ZNF735: variants seen among roughly 807,000 people sequenced by gnomAD.
The protein encoded by ZNF735 is putative zinc finger protein 735.
ZNF735 carries 11 observed loss-of-function variants against 13.4 expected under a neutral mutation model. The observed-to-expected ratio is 0.82, with a 90% CI of 0.52 to 1.36. ZNF735 has a LOEUF of 1.36. Among genes scored for constraint, ZNF735 ranks in the 40% most tolerant of loss-of-function variants. The pLI, the probability that ZNF735 is intolerant of heterozygous loss-of-function variation, is 0.00. For synonymous variants in ZNF735, 171 were observed against 162.6 expected (o/e 1.05, Z -0.39); for missense variants, 500 against 484.6 (o/e 1.03, Z -0.30).
rs772489501 is a variant in ZNF735 at position 64,213,234 on chromosome 7, A to G, written c.166+16A>G. 5 of 1,576,634 alleles carry G rather than the reference A, an allele frequency of 3.2e-6. No individual in the cohort carries two copies. Among genetic ancestry groups the G allele is most frequent in the Non-Finnish European group, 4.3e-6 (5 of 1,166,412 alleles). On this transcript the variant is annotated intron_variant, in intron 2 of 3. Transcript: ENST00000429565. Reference sequence around the variant, plus strand: ...TTCTCCCTGGGTGAGGTTAACCTCAATACATAATTCCTAATATATTGCCGT... The same window carrying G: ...TTCTCCCTGGGTGAGGTTAACCTCAGTACATAATTCCTAATATATTGCCGT...
chr7:64,211,795 G>A (rs1584213366), intron 1 of ZNF735, among the ~76,000 whole-genome samples: 1 of 151,428 alleles, frequency 6.6e-6, no homozygotes, highest in Non-Finnish European at 1.5e-5. Context: ...GACCTCAGGA[G>A]GCGGAGGTTG....
At chr7:64,219,148 A>C (rs1377379440) in intron 3 of ZNF735, among the ~76,000 whole-genome samples, 166 bp from the exon 4 acceptor site, 2 of 152,218 alleles carry the variant, frequency 1.3e-5, no homozygotes, top group Admixed American at 6.5e-5. Flanking sequence ...GTATTTTGAT[A>C]ACTATGATTT....
intron 1 of ZNF735, among the ~76,000 whole-genome samples, chr7:64,211,144 T>C (rs1285381286): frequency 1.3e-5 from 2 of 152,208 alleles, no homozygotes; most frequent in African/African-American, 4.8e-5. Context: ...ATATTTTTTT[T>C]CTATATGCTG....
At chr7:64,207,533 G>A (rs1787303610) in intron 1 of ZNF735, among the ~76,000 whole-genome samples, 1 of 152,134 alleles carries the variant, frequency 6.6e-6, no homozygotes, top group South Asian at 2.1e-4. Context: ...GATTGTACAG[G>A]GATTGGGAAA....
intron 2 of ZNF735, 80 bp from the exon 3 acceptor site, chr7:64,213,933 T>A: frequency 7.6e-7 from 1 of 1,317,804 alleles, no homozygotes; most frequent in Non-Finnish European, 1.0e-6. Flanking sequence ...CACTCCAGCC[T>A]GAGCGACAGA....
At chr7:64,219,103 C>A (rs1234596432) in intron 3 of ZNF735, among the ~76,000 whole-genome samples, 1 of 152,176 alleles carries the variant, frequency 6.6e-6, no homozygotes, top group Non-Finnish European at 1.5e-5. Flanking sequence ...TCACATGGTG[C>A]ACACACTTAC....
At position 64,219,231 on chromosome 7, in the gene ZNF735, G is replaced by A. The variant is rs1459239127; in HGVS notation, c.263-83G>A. 2.3e-5 allele frequency: 35 copies of A among 1,510,304 alleles called. No homozygotes were observed. The East Asian group carries it at 7.7e-4, about 33-fold the overall frequency. 93.6% of individuals were successfully genotyped at this position (1,510,304 alleles called of 1,614,324 possible). On this transcript the variant is annotated intron_variant, in intron 3 of 3. Transcript: ENST00000429565. ...ATATGCCATTTTGCTAATGTACCTT[G>A]AACAATTTTATATATTTGATTTGTA...
At chr7:64,209,433 G>A (rs1439919565) in intron 1 of ZNF735, among the ~76,000 whole-genome samples, 2 of 150,182 alleles carry the variant, frequency 1.3e-5, no homozygotes, top group South Asian at 2.1e-4. Context: ...TGCAACCTTC[G>A]CCTTCCATTT....
chr7:64,217,506 A>G (rs1306294221), intron 3 of ZNF735, among the ~76,000 whole-genome samples: 1 of 151,700 alleles, frequency 6.6e-6, no homozygotes, highest in African/African-American at 2.4e-5. Flanking sequence ...TTTTTTATTT[A>G]TTATTGAAAG....
chr7:64,207,342 G>T, intron 1 of ZNF735, 101 bp downstream of exon 1: 1 of 1,608,332 alleles, frequency 6.2e-7, no homozygotes, highest in Non-Finnish European at 8.5e-7. Context: ...GTCAGCTCCG[G>T]AGTCTGAGGA....
chr7:64,209,183 C>T (rs550710977), intron 1 of ZNF735, among the ~76,000 whole-genome samples: 79 of 149,776 alleles, frequency 5.3e-4, no homozygotes, highest in African/African-American at 1.7e-3. Context: ...TCACCAGCAG[C>T]GTATAAGCAT....
intron 3 of ZNF735, among the ~76,000 whole-genome samples, chr7:64,218,900 G>A (rs1363495810): frequency 6.6e-6 from 1 of 152,064 alleles, no homozygotes; most frequent in Non-Finnish European, 1.5e-5. Context: ...CTCCTTACTG[G>A]TCAGTAACCA....
chr7:64,211,148 T>C (rs1787355475), intron 1 of ZNF735, among the ~76,000 whole-genome samples: 1 of 152,228 alleles, frequency 6.6e-6, no homozygotes, highest in Non-Finnish European at 1.5e-5. Flanking sequence ...TTTTTTTCTA[T>C]ATGCTGTAGC....
At chr7:64,217,675 T>A (rs1381570743) in intron 3 of ZNF735, among the ~76,000 whole-genome samples, 1 of 152,122 alleles carries the variant, frequency 6.6e-6, no homozygotes, top group Non-Finnish European at 1.5e-5. Flanking sequence ...CTCATTTTAC[T>A]ATTATATAAT....
exon 3 of ZNF735, chr7:64,214,024 T>A: frequency 1.3e-6 from 2 of 1,598,410 alleles, no homozygotes; most frequent in Non-Finnish European, 1.7e-6. Context: ...TATGACTGTC[T>A]CTAAGCCAGA....
intron 1 of ZNF735, among the ~76,000 whole-genome samples, chr7:64,210,899 T>C (rs1230412960): frequency 6.6e-6 from 1 of 152,168 alleles, no homozygotes; most frequent in Non-Finnish European, 1.5e-5. Context: ...AGGTTTGATA[T>C]GTCCAGAGCA....
intron 1 of ZNF735, among the ~76,000 whole-genome samples, chr7:64,208,952 T>C (rs1476404174): frequency 1.3e-5 from 2 of 152,246 alleles, no homozygotes; most frequent in Non-Finnish European, 1.5e-5. Context: ...ACACATTTTC[T>C]TTATCCAGTC....
At chr7:64,207,703 A>G (rs1467206585) in intron 1 of ZNF735, among the ~76,000 whole-genome samples, 4 of 152,146 alleles carry the variant, frequency 2.6e-5, no homozygotes, top group Non-Finnish European at 5.9e-5. Flanking sequence ...AGAATCATAG[A>G]GCGGGCCAGG....
chr7:64,207,349 A>C (rs1312790270), intron 1 of ZNF735, 108 bp downstream of exon 1: 23 of 1,604,954 alleles, frequency 1.4e-5, no homozygotes, highest in Non-Finnish European at 2.0e-5. Flanking sequence ...CCGGAGTCTG[A>C]GGACCCAAAT....
Sources: allele counts gnomAD v4.1 joint callset (sites outside exome capture counted in the v4.1 genomes callset), GRCh38; gene constraint gnomAD v4.1.1; transcripts MANE v1.5; gene names NCBI Gene and HGNC (gene_info 2026-07-23, HGNC 2026-07-21).